Variants in EXT1 observed in about 807,000 individuals in gnomAD.
EXT1 encodes exostosin-1.
A neutral mutation model predicts 82.5 loss-of-function variants in EXT1; 20 were observed. The observed-to-expected ratio is 0.24, with a 90% CI of 0.17 to 0.35. EXT1 has a LOEUF of 0.35. Among genes scored for constraint, EXT1 ranks in the 10% least tolerant of loss-of-function variants. The pLI, the probability that EXT1 is intolerant of heterozygous loss-of-function variation, is 1.00. For synonymous variants in EXT1, 348 were observed against 350.8 expected (o/e 0.99, Z 0.09); for missense variants, 757 against 936.5 (o/e 0.81, Z 2.50).
At chr8:117,888,165 T>C (rs778812268) in intron 1 of EXT1, among the ~76,000 whole-genome samples, 36 of 151,658 alleles carry the variant, frequency 2.4e-4, no homozygotes, top group South Asian at 4.2e-4. Context: ...TTTAAGAACA[T>C]AGTAAAAGCA....
intron 1 of EXT1, among the ~76,000 whole-genome samples, chr8:117,955,372 A>G (rs1361041880): frequency 1.3e-5 from 2 of 152,116 alleles, no homozygotes; most frequent in African/African-American, 4.8e-5. Context: ...TTCTAATGAC[A>G]GTTTAGTCTT....
chr8:117,837,686 A>G (rs113018325), intron 1 of EXT1, among the ~76,000 whole-genome samples: 33 of 152,196 alleles, frequency 2.2e-4, no homozygotes, highest in South Asian at 2.1e-3. Context: ...ACAAAACAAC[A>G]TTTGTCTTCT....
chr8:117,828,839 G>A (rs1812050517), intron 4 of EXT1, among the ~76,000 whole-genome samples: 1 of 152,066 alleles, frequency 6.6e-6, no homozygotes, highest in African/African-American at 2.4e-5. Flanking sequence ...AGAGAACACT[G>A]ACCAGAGCTC....
intron 1 of EXT1, among the ~76,000 whole-genome samples, chr8:117,908,842 G>A (rs754834855): frequency 2.6e-5 from 4 of 152,052 alleles, no homozygotes; most frequent in South Asian, 4.2e-4. Flanking sequence ...AATTCCAGGC[G>A]GCTGGGTGCG....
intron 1 of EXT1, among the ~76,000 whole-genome samples, chr8:117,908,888 C>G (rs369532794): frequency 6.6e-6 from 1 of 151,990 alleles, no homozygotes; most frequent in African/African-American, 2.4e-5. Flanking sequence ...TTTTGGGAGG[C>G]TGAGGAGGGC....
chr8:118,032,787 G>C (rs1446959540), intron 1 of EXT1, among the ~76,000 whole-genome samples: 2 of 152,128 alleles, frequency 1.3e-5, no homozygotes, highest in Non-Finnish European at 2.9e-5. Context: ...TGGGATTACA[G>C]ACGTGAGCCA....
rs182614691 is a variant in EXT1 at position 118,078,383 on chromosome 8, G to T, written c.962+31702C>A. The stretch of plus-strand genomic sequence containing the variant: ...CCAGCTAATTTTTGTATTTTTAGTA[G>T]AAACGGGGTTTCACCATGTTACCCA... On this transcript the variant is annotated intron_variant, in intron 1 of 10. Transcript: ENST00000378204. Among the ~76,000 whole-genome samples the T allele has an allele frequency of 2.4e-3, 371 of 151,616 alleles. 4 individuals are homozygous for T. In the South Asian group the frequency reaches 0.031, roughly 13 times the overall value.
At chr8:117,815,917 A>G (rs1240302156) in intron 7 of EXT1, among the ~76,000 whole-genome samples, 1 of 147,224 alleles carries the variant, frequency 6.8e-6, no homozygotes, top group Non-Finnish European at 1.5e-5. Context: ...ACAGGCAACA[A>G]GAGCGAAACT....
chr8:117,845,553 A>C (rs543611923), intron 1 of EXT1, among the ~76,000 whole-genome samples: 32 of 11,374 alleles, frequency 2.8e-3, no homozygotes, highest in Non-Finnish European at 0.025. Flanking sequence ...ATATAAAAGT[A>C]AGTAAAAAAA....
In EXT1 at chr8:117,796,033, C is replaced by G. The variant is rs1823084189; in HGVS notation, c.*3679G>C. On this transcript the variant is annotated 3_prime_UTR_variant, in exon 11 of 11. Transcript: ENST00000378204. ...ACAAAACCAACTGAAAGGTTCTTGT[C>G]CATAGTCGCTGTAAAGGGGAACTAG... The G allele has an allele frequency of 6.6e-6, 1 of 152,108 alleles. No homozygotes were observed. The highest frequency in any genetic ancestry group is 6.5e-5 in the Admixed American group (1 of 15,270). 9.4% of individuals were successfully genotyped at this position (152,108 alleles called of 1,614,324 possible).
intron 6 of EXT1, among the ~76,000 whole-genome samples, chr8:117,819,103 T>G (rs912854542): frequency 3.9e-5 from 6 of 152,260 alleles, no homozygotes; most frequent in Admixed American, 3.3e-4. Flanking sequence ...CCTTATTGAA[T>G]TCTTTCCTTG....
rs1181622533 is a variant in EXT1 at position 117,796,666 on chromosome 8, T to A, written c.*3046A>T. 1 of 152,188 alleles carries A rather than the reference T, an allele frequency of 6.6e-6. No homozygotes were observed. The highest frequency in any genetic ancestry group is 6.5e-5 in the Admixed American group (1 of 15,278). 9.4% of individuals were successfully genotyped at this position (152,188 alleles called of 1,614,324 possible). The stretch of plus-strand genomic sequence containing the variant: ...CAGTAACAAGCTTTCCCTTTTTTTT[T>A]GAAGCATCTATCTGAAAGTGTGTTG... On this transcript the variant is annotated 3_prime_UTR_variant, in exon 11 of 11. Transcript: ENST00000378204.
chr8:117,820,722 T>C (rs1437958690), intron 5 of EXT1, among the ~76,000 whole-genome samples: 1 of 151,610 alleles, frequency 6.6e-6, no homozygotes, highest in Non-Finnish European at 1.5e-5. Context: ...ACTTAATGCA[T>C]ACAAAGCACT....
At chr8:118,074,850 G>A (rs968807671) in intron 1 of EXT1, among the ~76,000 whole-genome samples, 1 of 152,168 alleles carries the variant, frequency 6.6e-6, no homozygotes, top group African/African-American at 2.4e-5. Flanking sequence ...AAAAAAGATG[G>A]ATGAGGGTCA....
At chr8:117,900,398 A>G (rs1431191383) in intron 1 of EXT1, among the ~76,000 whole-genome samples, 1 of 152,176 alleles carries the variant, frequency 6.6e-6, no homozygotes, top group African/African-American at 2.4e-5. Flanking sequence ...TTATATGATT[A>G]TTGTCTGCCA....
chr8:117,894,211 T>G (rs1279197273), intron 1 of EXT1, among the ~76,000 whole-genome samples: 1 of 152,168 alleles, frequency 6.6e-6, no homozygotes, highest in Admixed American at 6.5e-5. Flanking sequence ...TTTTACTTTT[T>G]TTGTTGTTGT....
At chr8:118,003,363 G>A (rs1376714430) in intron 1 of EXT1, among the ~76,000 whole-genome samples, 1 of 150,700 alleles carries the variant, frequency 6.6e-6, no homozygotes, top group Admixed American at 6.6e-5. Context: ...ACTTACTCAT[G>A]TAACCAAACA....
At chr8:117,903,496 C>T (rs1049323646) in intron 1 of EXT1, among the ~76,000 whole-genome samples, 4 of 152,106 alleles carry the variant, frequency 2.6e-5, no homozygotes, top group Non-Finnish European at 5.9e-5. Flanking sequence ...GGCAGATCAC[C>T]CCTGAGTTAG....
At chr8:117,895,858 C>G (rs993782234) in intron 1 of EXT1, among the ~76,000 whole-genome samples, 2 of 152,244 alleles carry the variant, frequency 1.3e-5, no homozygotes, top group South Asian at 2.1e-4. Context: ...TGCCTCCGTT[C>G]GCATCCAAAG....
Sources: allele counts gnomAD v4.1 joint callset (sites outside exome capture counted in the v4.1 genomes callset), GRCh38; gene constraint gnomAD v4.1.1; transcripts MANE v1.5; gene names NCBI Gene and HGNC (gene_info 2026-07-23, HGNC 2026-07-21).